Variants in MACROD2 observed in about 807,000 individuals in gnomAD.
MACROD2 encodes the protein ADP-ribose glycohydrolase MACROD2.
Under a neutral mutation model 70.4 loss-of-function variants are expected in MACROD2, and 36 were observed. The observed-to-expected ratio is 0.51, with a 90% CI of 0.39 to 0.68. The LOEUF (loss-of-function observed/expected upper bound fraction) is 0.68, where lower values mean the gene tolerates loss of function less well. Ranked by LOEUF, MACROD2 falls within the 30% of genes least tolerant of loss-of-function variation. The pLI is 0.00. For synonymous variants in MACROD2, 172 were observed against 178.8 expected, an observed-to-expected ratio of 0.96 and a Z score of 0.30; for missense variants, 496 against 538.4, an observed-to-expected ratio of 0.92 and a Z score of 0.78.
At chr20:15,732,578 A>G (rs1025903132) in intron 8 of MACROD2, among the ~76,000 whole-genome samples, 2 of 152,222 alleles carry the variant, frequency 1.3e-5, no homozygotes, top group African/African-American at 2.4e-5. Flanking sequence ...ATGAATTAGA[A>G]TAATTTACTT....
chr20:15,330,713 C>T (rs975923846), intron 6 of MACROD2, among the ~76,000 whole-genome samples: 2 of 151,644 alleles, frequency 1.3e-5, no homozygotes, highest in Non-Finnish European at 2.9e-5. Context: ...GAATGGAAGA[C>T]TTCCTTTGCA....
At chr20:15,734,564 G>A (rs1046422608) in intron 8 of MACROD2, among the ~76,000 whole-genome samples, 3 of 152,152 alleles carry the variant, frequency 2.0e-5, no homozygotes, top group Non-Finnish European at 2.9e-5. Flanking sequence ...GATTCTGTGC[G>A]AGGTATCCAC....
rs2076373828 is a variant in MACROD2, at chr20:15,165,002, G to A, written c.419-64938G>A. Among the ~76,000 whole-genome samples, 5 of 152,148 alleles carry A rather than the reference G, an allele frequency of 3.3e-5. 1 individual carries two copies. Among genetic ancestry groups the A allele is most frequent in the Admixed American group, 3.3e-4 (5 of 15,272 alleles). On this transcript the variant is annotated intron_variant, in intron 5 of 17. Transcript: ENST00000684519. The stretch of plus-strand genomic sequence containing the variant: ...TACTGAAGTCATAACAAACTATAGA[G>A]AAAATTGCAGAGGCCACAATTCAAC...
intron 2 of MACROD2, among the ~76,000 whole-genome samples, chr20:14,034,263 C>T (rs1481109341): frequency 2.0e-5 from 3 of 152,292 alleles, no homozygotes; most frequent in East Asian, 1.9e-4. Context: ...CGTGAGCCAC[C>T]GCGTCCAGCC....
intron 8 of MACROD2, among the ~76,000 whole-genome samples, chr20:15,772,896 G>C (rs2051660300): frequency 6.6e-6 from 1 of 151,838 alleles, no homozygotes; most frequent in African/African-American, 2.4e-5. Flanking sequence ...TTTCTTTCCT[G>C]GAAAAAAAAA....
intron 8 of MACROD2, among the ~76,000 whole-genome samples, chr20:15,818,061 T>C (rs1406464715): frequency 6.6e-6 from 1 of 152,164 alleles, no homozygotes; most frequent in Non-Finnish European, 1.5e-5. Flanking sequence ...GCTTACATGT[T>C]TTGTCCCACC....
chr20:14,161,323 G>A (rs2148717711), intron 3 of MACROD2, among the ~76,000 whole-genome samples: 1 of 151,598 alleles, frequency 6.6e-6, no homozygotes. Context: ...AAGTAGCTGG[G>A]ATTATAGGTG....
intron 5 of MACROD2, among the ~76,000 whole-genome samples, chr20:15,103,146 A>G (rs970262916): frequency 8.5e-5 from 13 of 152,154 alleles, no homozygotes; most frequent in Non-Finnish European, 1.5e-4. Context: ...TCAGGAAAAA[A>G]ACAAACAAAA....
At chr20:15,334,464 C>T (rs991988062) in intron 6 of MACROD2, among the ~76,000 whole-genome samples, 5 of 151,564 alleles carry the variant, frequency 3.3e-5, no homozygotes, top group Admixed American at 1.3e-4. Flanking sequence ...CTCTAATTAG[C>T]TTTTTGACTT....
intron 5 of MACROD2, among the ~76,000 whole-genome samples, chr20:15,105,342 C>T (rs550696035): frequency 1.3e-5 from 2 of 152,242 alleles, no homozygotes; most frequent in South Asian, 4.1e-4. Context: ...GACAAAATCT[C>T]CTTGCCTATC....
intron 5 of MACROD2, among the ~76,000 whole-genome samples, chr20:14,994,504 A>C (rs1244316264): frequency 6.6e-6 from 1 of 152,170 alleles, no homozygotes; most frequent in Non-Finnish European, 1.5e-5. Flanking sequence ...TCCCCAGTCA[A>C]AAAGCAGAGC....
At position 14,242,305 on chromosome 20, in the gene MACROD2, A is replaced by G. The variant is rs145110143; in HGVS notation, c.271+156577A>G. Among the ~76,000 whole-genome samples, 725 of 152,312 alleles carry G rather than the reference A, an allele frequency of 4.8e-3. 3 individuals are homozygous for G. Among genetic ancestry groups the G allele is most frequent in the African/African-American group, 0.016 (681 of 41,586 alleles). ...ACACTTAAGCATTCTAAAAAGGCAC[A>G]AAAGCATGTGAATATAGAATTTAAG... On this transcript the variant is annotated intron_variant, in intron 3 of 17. Transcript: ENST00000684519.
At chr20:14,573,224 A>G (rs1049319851) in intron 4 of MACROD2, among the ~76,000 whole-genome samples, 50 of 152,232 alleles carry the variant, frequency 3.3e-4, no homozygotes, top group African/African-American at 1.2e-3. Flanking sequence ...TTGAAAACTG[A>G]GTATAGTAAT....
At chr20:14,905,165 A>G (rs2073943993) in intron 5 of MACROD2, 1 of 152,144 alleles carries the variant, frequency 6.6e-6, no homozygotes, top group South Asian at 2.1e-4. Flanking sequence ...CTTGGAAATA[A>G]GGAAAAATAT....
chr20:14,120,558 A>G (rs74460926), intron 3 of MACROD2, among the ~76,000 whole-genome samples: 31,687 of 151,622 alleles, frequency 0.21, 3,460 homozygotes, highest in Admixed American at 0.25. Flanking sequence ...TTCTACTATA[A>G]AGACACATGC....
intron 5 of MACROD2, among the ~76,000 whole-genome samples, chr20:15,132,866 G>C (rs1217379230): frequency 1.3e-5 from 2 of 152,030 alleles, no homozygotes; most frequent in Non-Finnish European, 1.5e-5. Flanking sequence ...TACTGGAGAA[G>C]AGCAAAATAA....
At chr20:15,644,545 G>A (rs2049511734) in intron 8 of MACROD2, among the ~76,000 whole-genome samples, 1 of 152,034 alleles carries the variant, frequency 6.6e-6, no homozygotes, top group Admixed American at 6.6e-5. Context: ...TTTCTATCGA[G>A]AATTTACTTC....
chr20:15,639,076 G>A (rs1470481356), intron 8 of MACROD2, among the ~76,000 whole-genome samples: 2 of 152,138 alleles, frequency 1.3e-5, no homozygotes, highest in African/African-American at 2.4e-5. Flanking sequence ...ATCTCGGGCT[G>A]CATTGTAGAT....
chr20:15,331,568 A>T (rs2077992884), intron 6 of MACROD2, among the ~76,000 whole-genome samples: 1 of 151,738 alleles, frequency 6.6e-6, no homozygotes, highest in Admixed American at 6.6e-5. Flanking sequence ...TGAGCTTCAG[A>T]CAATTTATGC....
Sources: gnomAD v4.1 joint callset for allele counts (sites outside exome capture counted in the v4.1 genomes callset) on GRCh38, gnomAD v4.1.1 for gene constraint, MANE v1.5 for transcripts, NCBI Gene and HGNC (gene_info 2026-07-23, HGNC 2026-07-21) for gene names.